ARHGAP32: variants seen among roughly 807,000 people sequenced by gnomAD.
The protein encoded by ARHGAP32 is Rho GTPase activating protein 32.
In ARHGAP32, 51 loss-of-function variants were observed where a neutral mutation model predicts 186.5. The observed-to-expected ratio is 0.27, with a 90% CI of 0.22 to 0.35. The LOEUF (loss-of-function observed/expected upper bound fraction) is 0.35. ARHGAP32 is among the 10% of genes least tolerant of loss of function. The pLI is 1.00. For synonymous variants in ARHGAP32, 950 were observed against 964.3 expected (o/e 0.99, Z 0.27); for missense variants, 2,186 against 2,623.5 (o/e 0.83, Z 3.64).
chr11:129,009,794 C>A (rs777174415), intron 11 of ARHGAP32, among the ~76,000 whole-genome samples: 1 of 152,018 alleles, frequency 6.6e-6, no homozygotes, highest in African/African-American at 2.4e-5. Context: ...CTGCAGTGAA[C>A]GTACGGGTGC....
intron 1 of ARHGAP32, among the ~76,000 whole-genome samples, chr11:129,271,253 T>C (rs1009155433): frequency 6.6e-6 from 1 of 151,922 alleles, no homozygotes; most frequent in Non-Finnish European, 1.5e-5. Context: ...CGACAAAGCC[T>C]ACTAGCCTAG....
chr11:128,985,937 G>GA lies in ARHGAP32; in HGVS notation c.1526+65dup, dbSNP rs558334935. Reference sequence around the variant, plus strand: ...AGGAAGTTTAAATAGAAATCCAAAGGAAAAAAAAACGTTTACAGGTCAACC... The same window carrying GA: ...AGGAAGTTTAAATAGAAATCCAAAGGAAAAAAAAAACGTTTACAGGTCAACC... On this transcript the variant is annotated intron_variant, in intron 15 of 22. Transcript: ENST00000682385. 6.4e-3 allele frequency: 6,436 copies of GA among 1,010,166 alleles called. 21 individuals carry two copies. The highest frequency in any genetic ancestry group is 0.027 in the African/African-American group (1,453 of 53,078). The allele number at this position is 1,010,166 out of a possible 1,614,324, so 62.6% of individuals were successfully genotyped here.
intron 5 of ARHGAP32, among the ~76,000 whole-genome samples, chr11:129,109,265 CAT>C (rs376895423): frequency 8.7e-5 from 13 of 150,112 alleles, no homozygotes; most frequent in Middle Eastern, 3.5e-3. Context: ...TATTCGATTG[CAT>C]ATATATATAT....
At chr11:129,017,578 ATT>A (rs1391905575) in intron 11 of ARHGAP32, among the ~76,000 whole-genome samples, 1 of 152,104 alleles carries the variant, frequency 6.6e-6, no homozygotes, top group African/African-American at 2.4e-5. Flanking sequence ...TAAATGTGCT[ATT>A]GTTATTTTTG....
At chr11:129,139,984 G>A (rs1943018094) in intron 2 of ARHGAP32, among the ~76,000 whole-genome samples, 3 of 151,866 alleles carry the variant, frequency 2.0e-5, no homozygotes, top group African/African-American at 7.3e-5. Context: ...GAGAATAGAG[G>A]GTGCAAATGT....
rs116064946 is a variant in ARHGAP32, at chr11:128,972,712, G to A, written c.3794C>T (p.Ser1265Phe). Residue 1265 changes from serine to phenylalanine, a missense_variant, in exon 22 of 23, where the codon TCC (serine) becomes TTC (phenylalanine). Physicochemically the swap from Ser to Phe is radical, Grantham distance 155. Around this residue, in one of 5 missense-constraint regions of ARHGAP32, gnomAD observed 1,502 missense variants for 1,570.0 expected, o/e 0.96. Coordinates refer to ENST00000682385, the MANE Select transcript of ARHGAP32 (RefSeq NM_001378024.1). ...GGCTGTGCTGGTATTCTCTTCGGGG[G>A]ACCCAGAAGGAGGGTAGATTTTATC... The part of the protein sequence containing the change: ...PSDKIYPPSG[S>F]PEENTSTATM... 2.0e-3 allele frequency: 3,253 copies of A among 1,614,004 alleles called. 52 individuals carry two copies. In the African/African-American group the frequency reaches 0.037, roughly 18 times the overall value.
intron 5 of ARHGAP32, among the ~76,000 whole-genome samples, chr11:129,108,745 C>G (rs967416240): frequency 6.6e-6 from 1 of 152,070 alleles, no homozygotes; most frequent in Admixed American, 6.5e-5. Flanking sequence ...TCAGTGGGTT[C>G]TTTTCACTGT....
chr11:129,038,888 G>GAAAAAAAAAAAAAAAAAAA (rs56810685), intron 11 of ARHGAP32, among the ~76,000 whole-genome samples: 41 of 92,140 alleles, frequency 4.4e-4, no homozygotes, highest in Non-Finnish European at 5.0e-4. Context: ...ACCCTGTCTC[G>GAAAAAAAAAAAAAAAAAAA]AAAAAAAAAA....
At position 129,229,804 on chromosome 11, in the gene ARHGAP32, T is replaced by C. The variant is rs186997774; in HGVS notation, c.-5+49342A>G. On this transcript the variant is annotated intron_variant, in intron 1 of 6. Transcript: ENST00000525234. ...GATATATATATGCATAACATTAATA[T>C]GGCCCAATTCCAAGCAACAATTTTT... 1.3e-5 allele frequency among the ~76,000 whole-genome samples: 2 copies of C among 152,076 alleles called. 1 individual carries two copies.
upstream of ARHGAP32, among the ~76,000 whole-genome samples, chr11:129,196,638 A>T (rs929436606): frequency 3.3e-5 from 5 of 152,184 alleles, no homozygotes; most frequent in African/African-American, 1.2e-4. Context: ...TTAAGGCCCA[A>T]ACATAACGAA....
chr11:129,123,670 G>A lies in ARHGAP32; in HGVS notation c.360-140C>T, dbSNP rs116893333. 32 of 786,344 alleles carry A rather than the reference G, an allele frequency of 4.1e-5. No homozygotes were observed. In the East Asian group the frequency reaches 6.0e-4, roughly 15 times the overall value. 48.7% of individuals were successfully genotyped at this position (786,344 alleles called of 1,614,324 possible). ...ACATGCGCATGAGCCACACATATCC[G>A]CACAAATCCTCTTAAAAATACACTG... is the stretch of plus-strand genomic sequence containing the variant. On this transcript the variant is annotated intron_variant, in intron 4 of 22. Transcript: ENST00000682385. This position sits in a 1 kb window ranked among gnomAD's most constrained non-coding sequence, Gnocchi z 4.6.
At chr11:129,226,731 C>T (rs1944789339) in intron 1 of ARHGAP32, among the ~76,000 whole-genome samples, 1 of 151,866 alleles carries the variant, frequency 6.6e-6, no homozygotes, top group African/African-American at 2.4e-5. Context: ...AAGAAAAAAA[C>T]ATGATCCAAG....
At chr11:129,211,018 A>G (rs533799928) in intron 1 of ARHGAP32, among the ~76,000 whole-genome samples, 92 of 152,228 alleles carry the variant, frequency 6.0e-4, no homozygotes, top group Non-Finnish European at 9.7e-4. Context: ...GGCTTTTTGC[A>G]TAGCACTTCC....
chr11:129,194,217 C>G (rs991560604), upstream of ARHGAP32, among the ~76,000 whole-genome samples: 5 of 152,130 alleles, frequency 3.3e-5, no homozygotes, highest in Non-Finnish European at 2.9e-5. Context: ...AAATGCACAT[C>G]TTTTTGGCCC....
At chr11:128,982,777 C>T (rs1343823880) in intron 15 of ARHGAP32, among the ~76,000 whole-genome samples, 1 of 150,770 alleles carries the variant, frequency 6.6e-6, no homozygotes, top group Admixed American at 6.6e-5. Context: ...GTAGTGCCAG[C>T]TACTCGGGAG....
intron 6 of ARHGAP32, among the ~76,000 whole-genome samples, chr11:129,088,983 G>C (rs1246342486): frequency 1.9e-5 from 2 of 103,942 alleles, no homozygotes; most frequent in East Asian, 3.0e-4. Context: ...GGGTGACAGA[G>C]AGAGACCTTG....
chr11:129,275,612 G>A (rs552049743), intron 1 of ARHGAP32, among the ~76,000 whole-genome samples: 1 of 152,200 alleles, frequency 6.6e-6, no homozygotes, highest in East Asian at 1.9e-4. Flanking sequence ...TTCTTTTAAA[G>A]AACCAGATAA....
Position 128,973,061 on chromosome 11 carries a change from T to C in ARHGAP32, c.3445A>G (p.Thr1149Ala). 6.2e-7 allele frequency: 1 copy of C among 1,614,100 alleles called. No homozygotes were observed. Among genetic ancestry groups the C allele is most frequent in the Admixed American group, 1.7e-5 (1 of 60,012 alleles). Residue 1149 changes from threonine to alanine, a missense_variant, in exon 22 of 23, where the codon ACA (threonine) becomes GCA (alanine). By Grantham distance (58) the Thr-to-Ala change is moderately conservative. Transcript: ENST00000682385. ...TGATGTTGCTCCCCAGATTCAGTTGTGTTGGAATGGGTAGGATCCCCAGTA... is the reference window on the plus strand; with the variant it reads ...TGATGTTGCTCCCCAGATTCAGTTGCGTTGGAATGGGTAGGATCCCCAGTA... ...TATGDPTHSN[T>A]TESGEQHHQV...
intron 1 of ARHGAP32, among the ~76,000 whole-genome samples, chr11:129,270,097 A>C (rs917856008): frequency 2.0e-5 from 3 of 152,178 alleles, no homozygotes; most frequent in Non-Finnish European, 4.4e-5. Context: ...AGAGCTGCCA[A>C]AACTTAGGAG....
Sources: gnomAD v4.1 joint callset for allele counts (sites outside exome capture counted in the v4.1 genomes callset) on GRCh38, gnomAD v4.1.1 for gene constraint, gnomAD v4.1.1 regional missense constraint, Gnocchi (gnomAD v3.1) non-coding constraint, MANE v1.5 for transcripts, NCBI Gene and HGNC (gene_info 2026-07-23, HGNC 2026-07-21) for gene names.